BAHCC1: variants seen among roughly 807,000 people sequenced by gnomAD.
The protein encoded by BAHCC1 is BAH and coiled-coil domain-containing protein 1.
A neutral mutation model predicts 88.2 loss-of-function variants in BAHCC1; 43 were observed. The observed-to-expected ratio is 0.49, with a 90% CI of 0.38 to 0.63. BAHCC1 has a LOEUF of 0.63. BAHCC1 is among the 20% of genes least tolerant of loss of function. The pLI, the probability that BAHCC1 is intolerant of heterozygous loss-of-function variation, is 0.00. For missense variants in BAHCC1, 3,023 were observed against 1,654.8 expected, an observed-to-expected ratio of 1.83 and a Z score of -14.34; for synonymous variants, 1,510 against 745.5, an observed-to-expected ratio of 2.03 and a Z score of -16.71.
rs931147456 is a variant in BAHCC1, at chr17:81,426,873, G to A, written c.252G>A (p.Ser84=). ...GTTTCCTCACCAGCAGCCTGGGCTC[G>A]GCAGCCTCCACGCACCCCAGCGGCC... ...MGSFLTSSLG[S]AASTHPSGPS... Residue 84 remains serine, a synonymous_variant, in exon 3 of 28, where the codon TCG becomes TCA. Coordinates refer to ENST00000675386, the MANE Select transcript of BAHCC1 (RefSeq NM_001377448.1). 308 of 399,378 alleles carry A rather than the reference G, an allele frequency of 7.7e-4. 3 individuals are homozygous for A. In the East Asian group the frequency reaches 0.01, roughly 14 times the overall value. 24.7% of individuals were successfully genotyped at this position (399,378 alleles called of 1,614,324 possible).
rs117236557 is a variant in BAHCC1 at position 81,464,292 on chromosome 17, G to A, written c.*475G>A. ...TCCGCGTGACAAGGTGTGTGTGAGC[G>A]TGTATGTGTGTGCGCGTGTGTGGCG... is the stretch of plus-strand genomic sequence containing the variant. On this transcript the variant is annotated 3_prime_UTR_variant, in exon 28 of 28. Transcript: ENST00000675386. The A allele has an allele frequency of 0.029, 6,551 of 227,728 alleles. 108 individuals are homozygous for A. Among genetic ancestry groups the A allele is most frequent in the Middle Eastern group, 0.038 (22 of 574 alleles). The allele number at this position is 227,728 out of a possible 1,614,324, so 14.1% of individuals were successfully genotyped here.
intron 2 of BAHCC1, among the ~76,000 whole-genome samples, chr17:81,410,940 C>T (rs562960893): frequency 6.6e-6 from 1 of 152,250 alleles, no homozygotes; most frequent in South Asian, 2.1e-4. Context: ...TCTGCTCCCC[C>T]AGGGCGGGTC....
At chr17:81,457,328 C>T (rs2064767774) in intron 16 of BAHCC1, 82 bp from the exon 17 acceptor site, 9 of 686,080 alleles carry the variant, frequency 1.3e-5, no homozygotes, top group South Asian at 1.3e-4. Flanking sequence ...GCCATAACCG[C>T]ATGCCCAGAG....
At position 81,443,779 on chromosome 17, in the gene BAHCC1, T is replaced by C. The variant is rs1555653440; in HGVS notation, c.2216-30T>C. 4 of 705,596 alleles carry C rather than the reference T, an allele frequency of 5.7e-6. No homozygotes were observed. The Admixed American group carries it at 8.0e-5, about 14-fold the overall frequency. The allele number at this position is 705,596 out of a possible 1,614,324, so 43.7% of individuals were successfully genotyped here. ...GGTGGCTCCCTGGCCGCCCCAACCC[T>C]CTCCCGTCTGCTGTCTCGACCCTGT... On this transcript the variant is annotated intron_variant, in intron 5 of 27. Coordinates refer to ENST00000675386, the MANE Select transcript of BAHCC1 (RefSeq NM_001377448.1).
rs782683020 is a variant in BAHCC1 at position 81,443,324 on chromosome 17, A to G, written c.1975A>G (p.Lys659Glu). ...ACCCTTGGTGGGCCTGGGTGGCCTC[A>G]AGGCCAGCTGCATCCAGCAGGAAGC... ...KAPLVGLGGL[K>E]ASCIQQEAKF... Residue 659 changes from lysine to glutamate, a missense_variant, in exon 5 of 28, where the codon AAG (lysine) becomes GAG (glutamate). Physicochemically the swap from Lys to Glu is moderately conservative, Grantham distance 56. Transcript: ENST00000675386. The G allele has an allele frequency of 7.7e-6, 6 of 779,252 alleles. No homozygotes were observed. The highest frequency in any genetic ancestry group is 2.3e-4 in the Middle Eastern group (1 of 4,442). 48.3% of individuals were successfully genotyped at this position (779,252 alleles called of 1,614,324 possible). A position where few individuals can be genotyped will look rare whatever the true frequency, so the allele number is the denominator to read the frequency against.
chr17:81,409,719 G>A (rs2063925165), intron 2 of BAHCC1, among the ~76,000 whole-genome samples: 1 of 152,308 alleles, frequency 6.6e-6, no homozygotes. Context: ...CAGGGAGAAG[G>A]CCGGGTGTGA....
In BAHCC1 at chr17:81,399,630, C is replaced by A; in HGVS notation, c.-110C>A. 1.4e-6 allele frequency: 1 copy of A among 720,164 alleles called. No individual in the cohort carries two copies. The highest frequency in any genetic ancestry group is 1.9e-6 in the Non-Finnish European group (1 of 536,838). The allele number at this position is 720,164 out of a possible 1,614,324, so 44.6% of individuals were successfully genotyped here. A position where few individuals can be genotyped will look rare whatever the true frequency, so the allele number is the denominator to read the frequency against. ...CTGACCGGCCCCGCCGCCACCACCGCCTGTGACCCCGGACGCCGCCGCCTC... is the reference window on the plus strand; with the variant it reads ...CTGACCGGCCCCGCCGCCACCACCGACTGTGACCCCGGACGCCGCCGCCTC... On this transcript the variant is annotated 5_prime_UTR_variant, in exon 2 of 28. Coordinates refer to ENST00000675386, the MANE Select transcript of BAHCC1 (RefSeq NM_001377448.1). The surrounding 1 kb of genome is among the most constrained non-coding windows in gnomAD (Gnocchi z 4.5).
rs74370824 is a variant in BAHCC1 at position 81,434,023 on chromosome 17, C to T, written c.359-4347C>T. On this transcript the variant is annotated intron_variant, in intron 3 of 27. Coordinates refer to ENST00000675386, the MANE Select transcript of BAHCC1 (RefSeq NM_001377448.1). This position sits in a 1 kb window ranked among gnomAD's most constrained non-coding sequence, Gnocchi z 4.9. ...CGTCCTGCGTGACAGGGACGATGTG[C>T]AGAACCTCAAGAGGAGCAGGGACCA... 7.8e-3 allele frequency among the ~76,000 whole-genome samples: 1,185 copies of T among 152,250 alleles called. 7 individuals carry two copies. The highest frequency in any genetic ancestry group is 0.024 in the South Asian group (117 of 4,820).
intron 2 of BAHCC1, among the ~76,000 whole-genome samples, chr17:81,417,308 T>C (rs2064045355): frequency 6.6e-6 from 1 of 152,114 alleles, no homozygotes; most frequent in South Asian, 2.1e-4. Flanking sequence ...CCTGGTTGCA[T>C]TCCCACGCCC....
At chr17:81,440,251 G>A (rs1417496786) in intron 4 of BAHCC1, among the ~76,000 whole-genome samples, 11 of 152,198 alleles carry the variant, frequency 7.2e-5, no homozygotes, top group African/African-American at 1.7e-4. Context: ...GGCAGGTGGC[G>A]GGTCCCAACC....
chr17:81,462,593 C>G (rs1314973344), intron 26 of BAHCC1, 147 bp from the exon 27 acceptor site: 1 of 598,710 alleles, frequency 1.7e-6, no homozygotes, highest in African/African-American at 1.9e-5. Flanking sequence ...AGCCGCGGTG[C>G]TGCGGCTTCC....
At position 81,451,989 on chromosome 17, in the gene BAHCC1, G is replaced by A. The variant is rs782373092; in HGVS notation, c.4198G>A (p.Ala1400Thr). 5 of 628,500 alleles carry A rather than the reference G, an allele frequency of 8.0e-6. No homozygotes were observed. The highest frequency in any genetic ancestry group is 2.8e-5 in the East Asian group (1 of 36,058). 38.9% of individuals were successfully genotyped at this position (628,500 alleles called of 1,614,324 possible). Residue 1400 changes from alanine to threonine, a missense_variant, in exon 13 of 28, where the codon GCC becomes ACC. Transcript: ENST00000675386. ...CCACCAGGTGTGCCCCCTGAAGGCC[G>A]CCATCGACCGGCTGGACACGCAGGA... is the stretch of plus-strand genomic sequence containing the variant. ...KTKPVCPLKAAIDRLDTQEVG... is the reference protein window; with the variant it reads ...KTKPVCPLKATIDRLDTQEVG...
In BAHCC1 at chr17:81,426,857, C is replaced by G. The variant is rs2064205865; in HGVS notation, c.236C>G (p.Thr79Ser). The change falls in exon 3 of 28, where the codon ACC becomes AGC. Residue 79 changes from threonine to serine, a missense_variant. Transcript: ENST00000675386. ...PASSFMGSFL[T>S]SSLGSAASTH... ...TCCTCGTTCATGGGCAGTTTCCTCA[C>G]CAGCAGCCTGGGCTCGGCAGCCTCC... 3 of 399,630 alleles carry G rather than the reference C, an allele frequency of 7.5e-6. No individual in the cohort carries two copies. The highest frequency in any genetic ancestry group is 6.2e-5 in the African/African-American group (3 of 48,600). 24.8% of individuals were successfully genotyped at this position (399,630 alleles called of 1,614,324 possible). A position where few individuals can be genotyped will look rare whatever the true frequency, so the allele number is the denominator to read the frequency against.
chr17:81,402,838 C>G (rs1374008981), intron 2 of BAHCC1: 1 of 152,218 alleles, frequency 6.6e-6, no homozygotes, highest in Non-Finnish European at 1.5e-5. Flanking sequence ...TGGGTGGGGA[C>G]ATGGGGCTCC....
At chr17:81,418,796 C>CGTGTGTGTGTGCGCGCGT (rs1555649117) in intron 2 of BAHCC1, among the ~76,000 whole-genome samples, 1 of 144,800 alleles carries the variant, frequency 6.9e-6, no homozygotes, top group Non-Finnish European at 1.5e-5. Context: ...TACGTGTGTG[C>CGTGTGTGTGTGCGCGCGT]GTGTGTGTGT....
At chr17:81,398,025 A>G (rs1199032866) in intron 1 of BAHCC1, among the ~76,000 whole-genome samples, 1 of 152,236 alleles carries the variant, frequency 6.6e-6, no homozygotes, top group Admixed American at 6.5e-5. Context: ...CGCAATTTAA[A>G]AAGGTATTCA....
intron 2 of BAHCC1, chr17:81,410,113 T>C (rs1555647591): frequency 1.6e-5 from 5 of 320,600 alleles, no homozygotes; most frequent in South Asian, 4.4e-5. Flanking sequence ...GGGGATGCAG[T>C]TGTGGCCCCG....
In BAHCC1 at chr17:81,399,954, G is replaced by A; in HGVS notation, c.178+37G>A. On this transcript the variant is annotated intron_variant, in intron 2 of 27. Coordinates refer to ENST00000675386, the MANE Select transcript of BAHCC1 (RefSeq NM_001377448.1). This position sits in a 1 kb window ranked among gnomAD's most constrained non-coding sequence, Gnocchi z 4.5. ...GCCGGGGCGGGCGCGGGACGGGAGC[G>A]TTCGAGAGCGGAACAGGGCGCCCAC... 3 of 1,300,168 alleles carry A rather than the reference G, an allele frequency of 2.3e-6. No individual in the cohort carries two copies. Among genetic ancestry groups the A allele is most frequent in the Non-Finnish European group, 2.9e-6 (3 of 1,018,374 alleles). The allele number at this position is 1,300,168 out of a possible 1,614,324, so 80.5% of individuals were successfully genotyped here. A position where few individuals can be genotyped will look rare whatever the true frequency, so the allele number is the denominator to read the frequency against.
At position 81,458,975 on chromosome 17, in the gene BAHCC1, C is replaced by A; in HGVS notation, c.5605+6C>A. On this transcript the variant is annotated splice_donor_region_variant and intron_variant, in intron 20 of 27. Coordinates refer to ENST00000675386, the MANE Select transcript of BAHCC1 (RefSeq NM_001377448.1). ...AGAGCAGAGCGCCGCCCTAGGTGAG[C>A]AGGGCCAGGAAGGGTGCCAGCCGCC... 1.4e-6 allele frequency: 1 copy of A among 726,098 alleles called. No individual in the cohort carries two copies. The allele number at this position is 726,098 out of a possible 1,614,324, so 45.0% of individuals were successfully genotyped here. A position where few individuals can be genotyped will look rare whatever the true frequency, so the allele number is the denominator to read the frequency against.
Sources: gnomAD v4.1 joint callset for allele counts (sites outside exome capture counted in the v4.1 genomes callset) on GRCh38, gnomAD v4.1.1 for gene constraint, Gnocchi (gnomAD v3.1) non-coding constraint, MANE v1.5 for transcripts, NCBI Gene and HGNC (gene_info 2026-07-23, HGNC 2026-07-21) for gene names.